The following OLA1 variants were observed in gnomAD, a reference collection of about 807,000 sequenced individuals.
OLA1 encodes the protein obg-like ATPase 1.
A neutral mutation model predicts 48.4 loss-of-function variants in OLA1; 14 were observed. That is an observed-to-expected ratio of 0.29 (90% CI 0.19 to 0.45). The LOEUF (loss-of-function observed/expected upper bound fraction) is 0.45. Among genes scored for constraint, OLA1 ranks in the 20% least tolerant of loss-of-function variants. The pLI is 1.00. For missense variants in OLA1, 325 were observed against 467.1 expected (o/e 0.70, Z 2.80); for synonymous variants, 127 against 150.4 (o/e 0.84, Z 1.14).
At chr2:174,188,803 G>A (rs939405269) in intron 4 of OLA1, among the ~76,000 whole-genome samples, 3 of 152,114 alleles carry the variant, frequency 2.0e-5, no homozygotes, top group African/African-American at 7.2e-5. Context: ...TGTGTATAAG[G>A]TGTATATGAA....
intron 4 of OLA1, among the ~76,000 whole-genome samples, chr2:174,180,684 G>T (rs1687512624): frequency 6.6e-6 from 1 of 152,158 alleles, no homozygotes; most frequent in African/African-American, 2.4e-5. Flanking sequence ...GGCCTACTTG[G>T]CCCTAACCGA....
At chr2:174,138,630 A>G (rs2105377939) in intron 5 of OLA1, among the ~76,000 whole-genome samples, 1 of 152,350 alleles carries the variant, frequency 6.6e-6, no homozygotes, top group East Asian at 1.9e-4. Flanking sequence ...TTCGATTTGT[A>G]AAACAACAAC....
chr2:174,077,257 A>T (rs1438818250), intron 10 of OLA1, among the ~76,000 whole-genome samples: 2 of 152,198 alleles, frequency 1.3e-5, no homozygotes, highest in Non-Finnish European at 2.9e-5. Context: ...ACACAGAGCT[A>T]TTCAGTATAT....
intron 4 of OLA1, among the ~76,000 whole-genome samples, chr2:174,171,043 G>A (rs1687288664): frequency 6.6e-6 from 1 of 152,112 alleles, no homozygotes; most frequent in African/African-American, 2.4e-5. Context: ...TGAGAAAAAA[G>A]TAAATTCATC....
chr2:174,220,155 G>T (rs888183950), intron 4 of OLA1, among the ~76,000 whole-genome samples: 1 of 152,020 alleles, frequency 6.6e-6, no homozygotes, highest in Non-Finnish European at 1.5e-5. Context: ...AAATCCTTTA[G>T]ATTTAAGCCA....
At chr2:174,189,099 T>C (rs185567999) in intron 4 of OLA1, among the ~76,000 whole-genome samples, 8 of 152,238 alleles carry the variant, frequency 5.3e-5, no homozygotes, top group Admixed American at 3.9e-4. Flanking sequence ...AATCCATAAA[T>C]ATAGACTTTT....
intron 7 of OLA1, among the ~76,000 whole-genome samples, chr2:174,111,900 T>C (rs760553789): frequency 1.3e-5 from 2 of 152,196 alleles, no homozygotes; most frequent in Non-Finnish European, 2.9e-5. Flanking sequence ...TATAAAAATA[T>C]ATAAACTCTT....
chr2:174,118,117 C>A (rs188809702), intron 7 of OLA1, among the ~76,000 whole-genome samples: 1 of 152,206 alleles, frequency 6.6e-6, no homozygotes, highest in East Asian at 1.9e-4. Flanking sequence ...TTTTAAACAA[C>A]CAGATCTCAT....
chr2:174,108,853 T>C (rs2105357434), intron 7 of OLA1, among the ~76,000 whole-genome samples: 1 of 152,316 alleles, frequency 6.6e-6, no homozygotes, highest in South Asian at 2.1e-4. Flanking sequence ...CCTATTCCAT[T>C]CATAACAGTT....
intron 7 of OLA1, among the ~76,000 whole-genome samples, chr2:174,096,360 C>T (rs1422311898): frequency 1.3e-5 from 2 of 152,214 alleles, no homozygotes; most frequent in South Asian, 2.1e-4. Flanking sequence ...AGGGACACAA[C>T]AATGTGAATA....
chr2:174,183,001 A>G (rs59514072), intron 4 of OLA1, among the ~76,000 whole-genome samples: 19,618 of 152,232 alleles, frequency 0.13, 1,459 homozygotes, highest in East Asian at 0.21. Context: ...AGCTAATAAA[A>G]TGTTAAAGAC....
intron 4 of OLA1, among the ~76,000 whole-genome samples, chr2:174,144,949 AAAATATATAT>A (rs1276317399): frequency 7.0e-4 from 40 of 57,150 alleles, no homozygotes; most frequent in Non-Finnish European, 9.6e-4. Flanking sequence ...AAAAAAAAAA[AAAATATATAT>A]ATATATATAT....
chr2:174,178,342 A>C (rs1226655872), intron 4 of OLA1, among the ~76,000 whole-genome samples: 1 of 152,030 alleles, frequency 6.6e-6, no homozygotes, highest in African/African-American at 2.4e-5. Context: ...GGGAAGAACT[A>C]AACTAATTTT....
intron 4 of OLA1, among the ~76,000 whole-genome samples, chr2:174,151,128 T>G (rs1686736611): frequency 6.6e-6 from 1 of 151,996 alleles, no homozygotes; most frequent in Non-Finnish European, 1.5e-5. Context: ...AGGGAGCCAA[T>G]CATGAGTCTT....
chr2:174,207,040 G>A (rs1277228050), intron 4 of OLA1, among the ~76,000 whole-genome samples: 2 of 152,162 alleles, frequency 1.3e-5, no homozygotes, highest in Non-Finnish European at 2.9e-5. Context: ...TATGGCGGAG[G>A]AAGGTGGGCT....
At chr2:174,184,288 A>C (rs915152778) in intron 4 of OLA1, among the ~76,000 whole-genome samples, 1 of 152,224 alleles carries the variant, frequency 6.6e-6, no homozygotes, top group African/African-American at 2.4e-5. Context: ...CAAGCAAGGA[A>C]GATCACTAAT....
At chr2:174,141,689 A>T in intron 5 of OLA1, 136 bp downstream of exon 5, 1 of 724,780 alleles carries the variant, frequency 1.4e-6, no homozygotes, top group Non-Finnish European at 2.2e-6. Context: ...TTCCTTAACA[A>T]TTTTTTTTAA....
intron 4 of OLA1, among the ~76,000 whole-genome samples, chr2:174,168,037 G>A (rs1366006474): frequency 2.6e-5 from 4 of 152,190 alleles, no homozygotes; most frequent in Admixed American, 2.6e-4. Context: ...CTGCTTAGGA[G>A]TACATGCTCA....
chr2:174,141,756 T>C (rs1686452375), intron 5 of OLA1, 69 bp downstream of exon 5: 3 of 1,195,354 alleles, frequency 2.5e-6, no homozygotes, highest in African/African-American at 1.5e-5. Flanking sequence ...ATCATATGCA[T>C]TATTTAAAAA....
Sources: gnomAD v4.1 joint callset for allele counts (sites outside exome capture counted in the v4.1 genomes callset) on GRCh38, gnomAD v4.1.1 for gene constraint, MANE v1.5 for transcripts, NCBI Gene and HGNC (gene_info 2026-07-23, HGNC 2026-07-21) for gene names.